Variants in CFAP70 observed in about 807,000 individuals in gnomAD.
The protein encoded by CFAP70 is cilia- and flagella-associated protein 70.
CFAP70 carries 81 observed loss-of-function variants against 137.6 expected under a neutral mutation model. The observed-to-expected ratio is 0.59, with a 90% CI of 0.49 to 0.71. The LOEUF (loss-of-function observed/expected upper bound fraction) is 0.71, where lower values mean the gene tolerates loss of function less well. CFAP70 is among the 30% of genes least tolerant of loss of function. The pLI, the probability that CFAP70 is intolerant of heterozygous loss-of-function variation, is 0.00. For synonymous variants in CFAP70, 382 were observed against 423.6 expected (o/e 0.90, Z 1.20); for missense variants, 976 against 1,226.7 (o/e 0.80, Z 3.05).
At position 73,256,429 on chromosome 10, in the gene CFAP70, C is replaced by T; in HGVS notation, c.3028-13G>A. ...ATTGCCGTCCAACCTGAAAAAAGTG[C>T]AGCAGTTGGTGATGATGACAGGTCA... is the stretch of plus-strand genomic sequence containing the variant. On this transcript the variant is annotated splice_polypyrimidine_tract_variant and intron_variant, in intron 25 of 26. Transcript: ENST00000310715. 6.2e-7 allele frequency: 1 copy of T among 1,613,944 alleles called. No individual in the cohort carries two copies. Among genetic ancestry groups the T allele is most frequent in the Non-Finnish European group, 8.5e-7 (1 of 1,179,946 alleles).
Position 73,348,498 on chromosome 10 carries a change from TTG to T in CFAP70, c.272_273del (p.Pro91GlnfsTer50). The T allele has an allele frequency of 1.3e-6, 2 of 1,518,762 alleles. No homozygotes were observed. Among genetic ancestry groups the T allele is most frequent in the Non-Finnish European group, 1.8e-6 (2 of 1,136,012 alleles). The allele number at this position is 1,518,762 out of a possible 1,614,324, so 94.1% of individuals were successfully genotyped here. A position where few individuals can be genotyped will look rare whatever the true frequency, so the allele number is the denominator to read the frequency against. ...TTCTCTTCTTTCTGTTTCTTTTCCT[TTG>T]GTAAAACTTCAGTCACAGTTACTAG... On this transcript the variant is annotated frameshift_variant, in exon 4 of 27. Coordinates refer to ENST00000310715, the Ensembl canonical transcript of CFAP70. LOFTEE classifies it high-confidence loss of function.
chr10:73,314,389 C>G (rs1039496424), intron 9 of CFAP70, among the ~76,000 whole-genome samples: 8 of 152,202 alleles, frequency 5.3e-5, no homozygotes, highest in Admixed American at 3.3e-4. Context: ...CACAATCCTA[C>G]CACCTCTGTG....
At chr10:73,335,343 AAATAT>A in intron 7 of CFAP70, 82 bp downstream of exon 8, 3 of 807,198 alleles carry the variant, frequency 3.7e-6, no homozygotes, top group Non-Finnish European at 6.0e-6. Context: ...ACCTTAACTC[AAATAT>A]AAATAAAATT....
intron 24 of CFAP70, 34 bp from the exon 26 acceptor site, chr10:73,269,749 A>G (rs765063284): frequency 1.5e-6 from 2 of 1,362,808 alleles, no homozygotes; most frequent in East Asian, 4.6e-5. Context: ...GAGTTAGCTT[A>G]GCTGAAACCA....
chr10:73,309,309 A>G (rs1276579446), intron 12 of CFAP70, among the ~76,000 whole-genome samples: 1 of 152,214 alleles, frequency 6.6e-6, no homozygotes, highest in Non-Finnish European at 1.5e-5. Flanking sequence ...CTATGGTACA[A>G]TATAAACAGT....
intron 6 of CFAP70, among the ~76,000 whole-genome samples, chr10:73,340,073 A>G (rs1412748051): frequency 3.3e-5 from 5 of 152,230 alleles, no homozygotes; most frequent in African/African-American, 1.2e-4. Flanking sequence ...AGAACAACTC[A>G]GAGGAGACTC....
chr10:73,301,209 C>T (rs1323112619), intron 12 of CFAP70, among the ~76,000 whole-genome samples: 3 of 152,120 alleles, frequency 2.0e-5, no homozygotes, highest in Non-Finnish European at 4.4e-5. Flanking sequence ...GGATATTTGT[C>T]CCCATCCAAA....
intron 10 of CFAP70, 45 bp downstream of exon 11, chr10:73,312,428 G>T: frequency 7.1e-7 from 1 of 1,409,102 alleles, no homozygotes; most frequent in Non-Finnish European, 9.7e-7. Context: ...GAAGCCTCTG[G>T]AATGTAATCT....
At chr10:73,362,446 A>C (rs1418351325), upstream of CFAP70, among the ~76,000 whole-genome samples, 2 of 152,170 alleles carry the variant, frequency 1.3e-5, no homozygotes, top group African/African-American at 2.4e-5. Flanking sequence ...TTGTGTCTTC[A>C]GTTTCTTTCA....
chr10:73,280,824 C>T (rs1489544550), intron 19 of CFAP70, among the ~76,000 whole-genome samples: 1 of 151,942 alleles, frequency 6.6e-6, no homozygotes, highest in Non-Finnish European at 1.5e-5. Flanking sequence ...TCAGATTTAT[C>T]TGTTTCATTG....
intron 25 of CFAP70, 121 bp from the exon 27 acceptor site, chr10:73,256,537 G>A: frequency 1.1e-6 from 1 of 919,024 alleles, no homozygotes; most frequent in Non-Finnish European, 1.7e-6. Context: ...ACACCTTCCA[G>A]TTAAGAACTT....
chr10:73,343,329 G>C (rs573983924), intron 5 of CFAP70, among the ~76,000 whole-genome samples: 8 of 152,228 alleles, frequency 5.3e-5, no homozygotes, highest in South Asian at 4.2e-4. Flanking sequence ...CCCAGGAAAT[G>C]TCAGACCCAG....
At chr10:73,256,392 G>C (rs749232343) in exon 26 of CFAP70, 3 of 1,614,074 alleles carry the variant, frequency 1.9e-6, no homozygotes, top group Non-Finnish European at 2.5e-6. Context: ...TTGTAGGCCT[G>C]CTCAGCTTCT....
intron 25 of CFAP70, among the ~76,000 whole-genome samples, chr10:73,259,850 G>A (rs979530331): frequency 1.3e-5 from 2 of 152,068 alleles, no homozygotes; most frequent in Admixed American, 6.6e-5. Flanking sequence ...GGGCAACATG[G>A]TGAGACTCTG....
chr10:73,348,028 TAACAC>T, intron 4 of CFAP70, 123 bp downstream of exon 5: 2 of 783,702 alleles, frequency 2.6e-6, no homozygotes, highest in Non-Finnish European at 4.2e-6. Flanking sequence ...TCCCAGAATC[TAACAC>T]TAAGTGTGCT....
At chr10:73,309,658 A>ATT (rs60294953) in intron 12 of CFAP70, among the ~76,000 whole-genome samples, 4 of 136,420 alleles carry the variant, frequency 2.9e-5, no homozygotes, top group Admixed American at 7.4e-5. Context: ...TTTCCTAAGA[A>ATT]TTTTTTTTTT....
chr10:73,310,447 T>TA (rs2049814961), intron 11 of CFAP70, among the ~76,000 whole-genome samples, 198 bp from the exon 13 acceptor site: 1 of 152,222 alleles, frequency 6.6e-6, no homozygotes, highest in South Asian at 2.1e-4. Context: ...GGTTATCTCT[T>TA]AGAGGAAAGG....
chr10:73,332,433 C>T (rs1346506370), intron 7 of CFAP70, among the ~76,000 whole-genome samples: 1 of 152,158 alleles, frequency 6.6e-6, no homozygotes, highest in East Asian at 1.9e-4. Flanking sequence ...TTACCAGATC[C>T]TTATCTGATC....
intron 12 of CFAP70, among the ~76,000 whole-genome samples, chr10:73,301,025 A>T (rs2048911058): frequency 6.6e-6 from 1 of 152,204 alleles, no homozygotes; most frequent in Non-Finnish European, 1.5e-5. Context: ...AACAAACAAG[A>T]TAAATATGCT....
Sources: allele counts gnomAD v4.1 joint callset (sites outside exome capture counted in the v4.1 genomes callset), GRCh38; gene constraint gnomAD v4.1.1; transcripts MANE v1.5; gene names NCBI Gene and HGNC (gene_info 2026-07-23, HGNC 2026-07-21).